SLAIN1: variants seen among roughly 807,000 people sequenced by gnomAD.
SLAIN1 encodes SLAIN family member 1.
In SLAIN1, 17 loss-of-function variants were observed where a neutral mutation model predicts 55.4. The ratio of observed to expected loss-of-function variants is 0.31; its 90% CI spans 0.21 to 0.46. SLAIN1 has a LOEUF of 0.46. Ranked by LOEUF, SLAIN1 falls within the 20% of genes least tolerant of loss-of-function variation. The pLI is 1.00. For synonymous variants in SLAIN1, 348 were observed against 337.4 expected (o/e 1.03, Z -0.35); for missense variants, 682 against 785.1 (o/e 0.87, Z 1.57).
At chr13:77,760,494 C>G (rs1397194808) in intron 5 of SLAIN1, among the ~76,000 whole-genome samples, 1 of 152,186 alleles carries the variant, frequency 6.6e-6, no homozygotes, top group East Asian at 1.9e-4. Flanking sequence ...AAGCAAGCAT[C>G]AAGAAATCCT....
At chr13:77,711,547 G>T (rs1249681772) in intron 1 of SLAIN1, among the ~76,000 whole-genome samples, 1 of 152,200 alleles carries the variant, frequency 6.6e-6, no homozygotes, top group African/African-American at 2.4e-5. Context: ...TCCCTGAATA[G>T]ACCAGTAATA....
rs1872944530 is a variant in SLAIN1, at chr13:77,732,872, T to C, written c.767-11411T>C. Among the ~76,000 whole-genome samples, 3 of 152,096 alleles carry C rather than the reference T, an allele frequency of 2.0e-5. No homozygotes were observed. In the South Asian group the frequency reaches 6.2e-4, roughly 32 times the overall value. On this transcript the variant is annotated intron_variant, in intron 2 of 6. Transcript: ENST00000418532. Reference sequence around the variant, plus strand: ...GATAACTTCCCCTTTCTGACCTTTATGTTTCAGCTCTACTTTGAGACTGTT... The same window carrying C: ...GATAACTTCCCCTTTCTGACCTTTACGTTTCAGCTCTACTTTGAGACTGTT...
chr13:77,761,084 A>C lies in SLAIN1; in HGVS notation c.1671A>C (p.Arg557=). The change falls in exon 6 of 7, where the codon CGA becomes CGC. Residue 557 remains arginine (R), a synonymous_variant. Transcript: ENST00000418532. Reference sequence around the variant, plus strand: ...CAATAAATGGGAGTAACCTGCCTCGAAGCAAAATTGCACAACCTGTTAGAA... The same window carrying C: ...CAATAAATGGGAGTAACCTGCCTCGCAGCAAAATTGCACAACCTGTTAGAA... The part of the protein sequence containing the change: ...SLAINGSNLP[R]SKIAQPVRSF... 6.2e-7 allele frequency: 1 copy of C among 1,614,158 alleles called. No individual in the cohort carries two copies. Among genetic ancestry groups the C allele is most frequent in the Non-Finnish European group, 8.5e-7 (1 of 1,179,992 alleles).
At chr13:77,724,976 C>G (rs773238113) in intron 2 of SLAIN1, among the ~76,000 whole-genome samples, 1 of 152,068 alleles carries the variant, frequency 6.6e-6, no homozygotes, top group Non-Finnish European at 1.5e-5. Context: ...ATAAATTGCC[C>G]AAGGGAATGG....
intron 2 of SLAIN1, among the ~76,000 whole-genome samples, chr13:77,736,532 CT>C (rs964478940): frequency 1.3e-5 from 2 of 152,020 alleles, no homozygotes; most frequent in African/African-American, 4.8e-5. Flanking sequence ...CAGCCCCCCT[CT>C]TTTTTTAAAC....
chr13:77,698,622 G>A lies in SLAIN1; in HGVS notation c.626+83G>A. 1 of 1,322,254 alleles carries A rather than the reference G, an allele frequency of 7.6e-7. No individual in the cohort carries two copies. Among genetic ancestry groups the A allele is most frequent in the Non-Finnish European group, 9.6e-7 (1 of 1,040,634 alleles). The allele number at this position is 1,322,254 out of a possible 1,614,324, so 81.9% of individuals were successfully genotyped here. Reference sequence around the variant, plus strand: ...GGGAGCGGGGGCGGGGGGCGGACGGGGGTCCCCTCGCGGCAGCCGGGGTGA... The same window carrying A: ...GGGAGCGGGGGCGGGGGGCGGACGGAGGTCCCCTCGCGGCAGCCGGGGTGA... On this transcript the variant is annotated intron_variant, in intron 1 of 6. Transcript: ENST00000418532. The surrounding 1 kb of genome is among the most constrained non-coding windows in gnomAD (Gnocchi z 4.1).
chr13:77,725,161 A>G (rs1278508538), intron 2 of SLAIN1, among the ~76,000 whole-genome samples: 1 of 152,286 alleles, frequency 6.6e-6, no homozygotes, highest in South Asian at 2.1e-4. Flanking sequence ...CATTTTCCTT[A>G]TTAGCCACCT....
chr13:77,710,300 C>A (rs1412961102), intron 1 of SLAIN1, among the ~76,000 whole-genome samples: 1 of 151,994 alleles, frequency 6.6e-6, no homozygotes, highest in African/African-American at 2.4e-5. Flanking sequence ...TATAAAGAGT[C>A]AAGACCCATT....
In SLAIN1 at chr13:77,698,626, C is replaced by A; in HGVS notation, c.626+87C>A. The A allele has an allele frequency of 2.3e-6, 3 of 1,314,836 alleles. No homozygotes were observed. The African/African-American group carries it at 4.6e-5, about 20-fold the overall frequency. 81.4% of individuals were successfully genotyped at this position (1,314,836 alleles called of 1,614,324 possible). On this transcript the variant is annotated intron_variant, in intron 1 of 6. Transcript: ENST00000418532. The surrounding 1 kb of genome is among the most constrained non-coding windows in gnomAD (Gnocchi z 4.1). ...GCGGGGGCGGGGGGCGGACGGGGGTCCCCTCGCGGCAGCCGGGGTGACTCC... is the reference window on the plus strand; with the variant it reads ...GCGGGGGCGGGGGGCGGACGGGGGTACCCTCGCGGCAGCCGGGGTGACTCC...
At chr13:77,761,395 C>T (rs956041837) in intron 6 of SLAIN1, among the ~76,000 whole-genome samples, 2 of 152,168 alleles carry the variant, frequency 1.3e-5, no homozygotes, top group African/African-American at 4.8e-5. Context: ...GCTTTTGTAG[C>T]TTTCTGCTCC....
At chr13:77,755,342 T>C (rs1456804872) in intron 5 of SLAIN1, among the ~76,000 whole-genome samples, 1 of 150,712 alleles carries the variant, frequency 6.6e-6, no homozygotes, top group Non-Finnish European at 1.5e-5. Context: ...AAAAAAAAAA[T>C]CAATAGTGTA....
intron 2 of SLAIN1, chr13:77,742,919 C>CTT (rs372604248): frequency 8.0e-4 from 455 of 569,870 alleles, no homozygotes; most frequent in South Asian, 9.4e-4. Flanking sequence ...GTTGCTTTGT[C>CTT]TTTTTTTTTT....
chr13:77,739,116 G>A (rs532223241), intron 2 of SLAIN1, among the ~76,000 whole-genome samples: 11 of 152,026 alleles, frequency 7.2e-5, no homozygotes, highest in Middle Eastern at 3.4e-3. Flanking sequence ...GTTGGAAACC[G>A]GAAGATTGAT....
At chr13:77,729,276 T>G (rs2091335086) in intron 2 of SLAIN1, among the ~76,000 whole-genome samples, 1 of 152,112 alleles carries the variant, frequency 6.6e-6, no homozygotes, top group Admixed American at 6.6e-5. Context: ...TGTTTCCATG[T>G]GTTTTTTTTT....
intron 5 of SLAIN1, among the ~76,000 whole-genome samples, chr13:77,757,370 G>T (rs1367974255): frequency 6.6e-6 from 1 of 151,972 alleles, no homozygotes; most frequent in Non-Finnish European, 1.5e-5. Flanking sequence ...CCTAAGGGAG[G>T]ATCTTACATA....
At chr13:77,760,530 A>G (rs1012353134) in intron 5 of SLAIN1, among the ~76,000 whole-genome samples, 2 of 152,146 alleles carry the variant, frequency 1.3e-5, no homozygotes, top group African/African-American at 4.8e-5. Context: ...AACGGGGAAG[A>G]CTTTCTCTTG....
chr13:77,763,440 T>A lies in SLAIN1; in HGVS notation c.*220T>A. Reference sequence around the variant, plus strand: ...ATTCTCAAACCCATGGTTGCAGTATTGTGACACTTAGATCTAGGAAGTTTT... The same window carrying A: ...ATTCTCAAACCCATGGTTGCAGTATAGTGACACTTAGATCTAGGAAGTTTT... On this transcript the variant is annotated 3_prime_UTR_variant, in exon 7 of 7. Transcript: ENST00000418532. The A allele has an allele frequency of 1.9e-6, 1 of 539,572 alleles. No homozygotes were observed. Among genetic ancestry groups the A allele is most frequent in the Non-Finnish European group, 3.3e-6 (1 of 304,314 alleles). The allele number at this position is 539,572 out of a possible 1,614,324, so 33.4% of individuals were successfully genotyped here. A position where few individuals can be genotyped will look rare whatever the true frequency, so the allele number is the denominator to read the frequency against.
intron 2 of SLAIN1, among the ~76,000 whole-genome samples, chr13:77,732,671 ATTTT>A (rs57814068): frequency 6.8e-6 from 1 of 147,174 alleles, no homozygotes; most frequent in Non-Finnish European, 1.5e-5. Flanking sequence ...TTACTACTAC[ATTTT>A]TTTTTTTTAA....
intron 2 of SLAIN1, among the ~76,000 whole-genome samples, chr13:77,739,675 A>G (rs528180626): frequency 7.2e-5 from 11 of 152,100 alleles, no homozygotes; most frequent in Admixed American, 1.3e-4. Flanking sequence ...TAGGAATGTC[A>G]TTGTTTCTGG....
Sources: allele counts gnomAD v4.1 joint callset (sites outside exome capture counted in the v4.1 genomes callset), GRCh38; gene constraint gnomAD v4.1.1; non-coding constraint Gnocchi (gnomAD v3.1); transcripts MANE v1.5; gene names NCBI Gene and HGNC (gene_info 2026-07-23, HGNC 2026-07-21).